PTPRN2: variants seen among roughly 807,000 people sequenced by gnomAD.
PTPRN2 encodes receptor-type tyrosine-protein phosphatase N2.
A neutral mutation model predicts 118.8 loss-of-function variants in PTPRN2; 74 were observed. The observed-to-expected ratio is 0.62, with a 90% confidence interval of 0.52 to 0.76. The LOEUF (loss-of-function observed/expected upper bound fraction) is 0.76. Ranked by LOEUF, PTPRN2 falls within the 30% of genes least tolerant of loss-of-function variation. PTPRN2 has a pLI of 0.00. For missense variants in PTPRN2, 1,481 were observed against 1,394.4 expected, an observed-to-expected ratio of 1.06 and a Z score of -0.99; for synonymous variants, 641 against 608.0, an observed-to-expected ratio of 1.05 and a Z score of -0.80.
intron 6 of PTPRN2, among the ~76,000 whole-genome samples, chr7:158,145,035 A>G (rs1237246181): frequency 1.4e-5 from 2 of 147,906 alleles, no homozygotes; most frequent in Non-Finnish European, 3.0e-5. Flanking sequence ...AGGTTCCAGA[A>G]TACCACGGCT....
chr7:157,798,510 C>T (rs1444603687), intron 12 of PTPRN2, among the ~76,000 whole-genome samples: 4 of 151,890 alleles, frequency 2.6e-5, no homozygotes, highest in Non-Finnish European at 5.9e-5. Context: ...CAGACACACA[C>T]GGACACACAC....
At chr7:158,029,766 G>T (rs1234210297) in intron 11 of PTPRN2, 3 of 151,818 alleles carry the variant, frequency 2.0e-5, no homozygotes, top group African/African-American at 7.3e-5. Flanking sequence ...GGGGCTGGAG[G>T]CTCCTGTCCT....
chr7:157,757,953 A>G (rs11984338), intron 12 of PTPRN2, among the ~76,000 whole-genome samples: 18,504 of 152,284 alleles, frequency 0.12, 1,228 homozygotes, highest in African/African-American at 0.14. Flanking sequence ...TCTCTGGTGC[A>G]CTGAAAAGGC....
intron 1 of PTPRN2, among the ~76,000 whole-genome samples, chr7:158,503,221 A>T (rs1276834875): frequency 6.6e-6 from 1 of 152,076 alleles, no homozygotes; most frequent in East Asian, 1.9e-4. Context: ...GACTTTCACC[A>T]CTGGCCCCTT....
At chr7:158,174,059 G>A (rs1024977995) in intron 5 of PTPRN2, among the ~76,000 whole-genome samples, 7 of 152,274 alleles carry the variant, frequency 4.6e-5, no homozygotes, top group African/African-American at 1.7e-4. Flanking sequence ...TTAAAGACAG[G>A]CATAGGAAAT....
chr7:157,870,102 T>C (rs1309675420), intron 12 of PTPRN2, among the ~76,000 whole-genome samples: 1 of 152,200 alleles, frequency 6.6e-6, no homozygotes, highest in Non-Finnish European at 1.5e-5. Context: ...AAATTTCCAT[T>C]GAAAGCTCTG....
intron 1 of PTPRN2, among the ~76,000 whole-genome samples, chr7:158,523,358 G>A (rs1824366774): frequency 7.0e-6 from 1 of 143,370 alleles, no homozygotes; most frequent in African/African-American, 2.5e-5. Context: ...CCCTGAAGTG[G>A]AGTCTGCCCT....
chr7:157,937,558 C>T (rs942930702), intron 11 of PTPRN2, among the ~76,000 whole-genome samples: 7 of 152,210 alleles, frequency 4.6e-5, no homozygotes, highest in African/African-American at 1.2e-4. Flanking sequence ...CACAATAGCG[C>T]TCCCGAGTGC....
intron 3 of PTPRN2, among the ~76,000 whole-genome samples, chr7:158,262,580 G>T (rs1433438139): frequency 3.6e-5 from 4 of 110,112 alleles, no homozygotes; most frequent in African/African-American, 7.0e-5. Context: ...TTCACACACA[G>T]CACACACATT....
intron 12 of PTPRN2, among the ~76,000 whole-genome samples, chr7:157,703,829 T>A (rs1181043503): frequency 6.6e-6 from 1 of 152,210 alleles, no homozygotes; most frequent in African/African-American, 2.4e-5. Context: ...TGCCTCACTC[T>A]GGTTCTCCGG....
At position 157,779,956 on chromosome 7, in the gene PTPRN2, C is replaced by T. The variant is rs938971642; in HGVS notation, c.1789-97019G>A. On this transcript the variant is annotated intron_variant, in intron 12 of 22. Coordinates refer to ENST00000389418, the MANE Select transcript of PTPRN2 (RefSeq NM_002847.5). The surrounding 1 kb of genome is among the most constrained non-coding windows in gnomAD (Gnocchi z 4.7). Reference sequence around the variant, plus strand: ...AAACTCTCAGACTGCTGTGTCCACACGGGTTAATAAAAATGCTGACCCCAG... The same window carrying T: ...AAACTCTCAGACTGCTGTGTCCACATGGGTTAATAAAAATGCTGACCCCAG... 3.3e-5 allele frequency among the ~76,000 whole-genome samples: 5 copies of T among 152,166 alleles called. No homozygotes were observed. The highest frequency in any genetic ancestry group is 1.9e-4 in the East Asian group (1 of 5,190).
intron 13 of PTPRN2, among the ~76,000 whole-genome samples, chr7:157,657,257 TAC>T (rs1437111822): frequency 3.8e-4 from 20 of 53,144 alleles, no homozygotes; most frequent in Non-Finnish European, 5.6e-4. Flanking sequence ...ATCACACATA[TAC>T]ACACACATAC....
chr7:158,569,983 G>A (rs886153049), intron 1 of PTPRN2, among the ~76,000 whole-genome samples: 32 of 152,160 alleles, frequency 2.1e-4, no homozygotes, highest in African/African-American at 7.2e-4. Context: ...GGTGCCGCTC[G>A]CAGACGGGGG....
At chr7:158,328,555 C>T (rs1326946235) in intron 2 of PTPRN2, among the ~76,000 whole-genome samples, 10 of 152,316 alleles carry the variant, frequency 6.6e-5, no homozygotes, top group Middle Eastern at 3.4e-3. Context: ...AGCCCCACGT[C>T]CGGGCAGCAC....
intron 12 of PTPRN2, among the ~76,000 whole-genome samples, chr7:157,792,480 A>G (rs1379595048): frequency 6.6e-6 from 1 of 152,188 alleles, no homozygotes. Flanking sequence ...TCCCAGCACC[A>G]GCTGCCTTCA....
At chr7:157,862,885 T>C (rs1810350538) in intron 12 of PTPRN2, 1 of 147,924 alleles carries the variant, frequency 6.8e-6, no homozygotes, top group East Asian at 1.9e-4. Context: ...GTCACAGCAG[T>C]TTCCTGAAAG....
intron 2 of PTPRN2, among the ~76,000 whole-genome samples, chr7:158,435,576 T>C (rs1816518996): frequency 6.6e-6 from 1 of 152,242 alleles, no homozygotes; most frequent in Admixed American, 6.5e-5. Flanking sequence ...TCTGGGTTTT[T>C]ACCCAAAAGA....
At chr7:157,708,143 G>A (rs1245401067) in intron 12 of PTPRN2, among the ~76,000 whole-genome samples, 4 of 152,188 alleles carry the variant, frequency 2.6e-5, no homozygotes, top group African/African-American at 9.7e-5. Context: ...GCTGGAGAAA[G>A]GTGCTTTGCC....
intron 11 of PTPRN2, among the ~76,000 whole-genome samples, chr7:157,955,713 C>A (rs571164031): frequency 6.6e-6 from 1 of 152,170 alleles, no homozygotes; most frequent in Non-Finnish European, 1.5e-5. Context: ...AAGGCGGCAC[C>A]GCAGCTCAGC....
Sources: allele counts gnomAD v4.1 joint callset (sites outside exome capture counted in the v4.1 genomes callset), GRCh38; gene constraint gnomAD v4.1.1; non-coding constraint Gnocchi (gnomAD v3.1); transcripts MANE v1.5; gene names NCBI Gene and HGNC (gene_info 2026-07-23, HGNC 2026-07-21).